The following ZNF385D variants were observed in gnomAD, a reference collection of about 807,000 sequenced individuals.
The protein encoded by ZNF385D is zinc finger protein 659.
ZNF385D carries 15 observed loss-of-function variants against 35.8 expected under a neutral mutation model. The observed-to-expected ratio is 0.42, with a 90% confidence interval of 0.28 to 0.64. ZNF385D has a LOEUF of 0.64. Among genes scored for constraint, ZNF385D ranks in the 30% least tolerant of loss-of-function variants. The probability of loss-of-function intolerance (pLI) is 0.23; values close to 1 mark genes in which losing one functional copy is unlikely to be tolerated. For missense variants in ZNF385D, 474 were observed against 494.6 expected (o/e 0.96, Z 0.39); for synonymous variants, 212 against 186.8 (o/e 1.13, Z -1.10).
At chr3:21,744,900 G>C (rs1346124882) in intron 1 of ZNF385D, among the ~76,000 whole-genome samples, 5 of 152,030 alleles carry the variant, frequency 3.3e-5, no homozygotes, top group African/African-American at 9.7e-5. Context: ...AGCAGCAAAA[G>C]GGACTGTTTC....
chr3:22,034,444 C>T (rs564257403), intron 3 of ZNF385D, among the ~76,000 whole-genome samples: 2 of 152,170 alleles, frequency 1.3e-5, no homozygotes, highest in South Asian at 4.1e-4. Flanking sequence ...TTAGTCTTAG[C>T]GGCCCAACTA....
rs1234170569 is a variant in ZNF385D at position 21,602,521 on chromosome 3, T to TC, written c.166-37838_166-37837insG. On this transcript the variant is annotated intron_variant, in intron 2 of 7. Coordinates refer to ENST00000281523, the MANE Select transcript of ZNF385D (RefSeq NM_024697.3). ...TCTCCTGTTTCCCTGCATTTTCTTT[T>TC]TTTTTTTTTTTTTTTTTTTTTTGAG... Among the ~76,000 whole-genome samples the TC allele has an allele frequency of 1.4e-4, 8 of 56,070 alleles. 1 individual carries two copies. The highest frequency in any genetic ancestry group is 2.4e-4 in the Non-Finnish European group (7 of 29,548). The allele number at this position is 56,070 out of a possible 152,430, so 36.8% of individuals were successfully genotyped here.
intron 3 of ZNF385D, among the ~76,000 whole-genome samples, chr3:21,940,812 A>C (rs504039): frequency 0.26 from 40,052 of 152,056 alleles, 5,988 homozygotes; most frequent in Admixed American, 0.41. Flanking sequence ...ATGTAAAAAT[A>C]TGCTGCATAA....
chr3:22,038,237 A>G (rs1698457367), intron 3 of ZNF385D, among the ~76,000 whole-genome samples: 1 of 152,194 alleles, frequency 6.6e-6, no homozygotes, highest in South Asian at 2.1e-4. Context: ...ATTATAAAAC[A>G]TTCAAGAAAG....
intron 3 of ZNF385D, among the ~76,000 whole-genome samples, chr3:21,935,768 CTTTACTTTGCCCCTTGTTTTTCG>C (rs1486903401): frequency 2.0e-5 from 3 of 151,972 alleles, no homozygotes; most frequent in Non-Finnish European, 4.4e-5. Context: ...TGAAACTAAA[CTTTACTTTGCCCCTTGTTTTTCG>C]TTGTGCATAA....
At chr3:21,457,014 G>C (rs1702866432) in intron 4 of ZNF385D, among the ~76,000 whole-genome samples, 1 of 152,068 alleles carries the variant, frequency 6.6e-6, no homozygotes, top group Non-Finnish European at 1.5e-5. Context: ...AGTTAACTTT[G>C]ATGACCCTCT....
chr3:22,206,510 T>C (rs1019549029), intron 2 of ZNF385D, among the ~76,000 whole-genome samples: 9 of 151,912 alleles, frequency 5.9e-5, no homozygotes, highest in Admixed American at 1.3e-4. Context: ...TTCTTAAGGA[T>C]AGACCATATG....
chr3:21,969,006 G>A (rs1389018673), intron 3 of ZNF385D, among the ~76,000 whole-genome samples: 2 of 152,146 alleles, frequency 1.3e-5, no homozygotes, highest in African/African-American at 2.4e-5. Flanking sequence ...GAGAGACACA[G>A]ATCTGGCAGC....
rs116829650 is a variant in ZNF385D at position 22,040,194 on chromosome 3, A to T, written c.325+128623T>A. Reference sequence around the variant, plus strand: ...ATGATTTTCCTTACACATAGCCCACATCTTTGTAAATGCTTCCTTTATTAA... The same window carrying T: ...ATGATTTTCCTTACACATAGCCCACTTCTTTGTAAATGCTTCCTTTATTAA... On this transcript the variant is annotated intron_variant, in intron 3 of 5. Coordinates refer to the ZNF385D transcript ENST00000494108. Among the ~76,000 whole-genome samples the T allele has an allele frequency of 6.0e-3, 917 of 152,112 alleles. 7 individuals carry two copies. Among genetic ancestry groups the T allele is most frequent in the African/African-American group, 0.021 (888 of 41,532 alleles).
intron 3 of ZNF385D, among the ~76,000 whole-genome samples, chr3:21,758,993 A>C (rs1186908010): frequency 3.4e-5 from 5 of 148,084 alleles, no homozygotes; most frequent in African/African-American, 7.6e-5. Flanking sequence ...AAAAAAAAAA[A>C]AAAAAAAAAA....
chr3:21,938,647 G>C (rs1408411178), intron 3 of ZNF385D, among the ~76,000 whole-genome samples: 1 of 152,168 alleles, frequency 6.6e-6, no homozygotes, highest in African/African-American at 2.4e-5. Context: ...TGCCATGTCA[G>C]TCACACTGCT....
At position 21,921,671 on chromosome 3, in the gene ZNF385D, T is replaced by C. The variant is rs576070443; in HGVS notation, c.325+247146A>G. Among the ~76,000 whole-genome samples the C allele has an allele frequency of 3.8e-4, 42 of 111,822 alleles. No homozygotes were observed. The South Asian group carries it at 5.0e-3, about 13-fold the overall frequency. The allele number at this position is 111,822 out of a possible 152,430, so 73.4% of individuals were successfully genotyped here. On this transcript the variant is annotated intron_variant, in intron 3 of 5. Transcript: ENST00000494108. ...TATGTACAAAATAAGAAGCCAAGAA[T>C]ATATGTCTTCAAAAGATTGCCTCAG...
Position 22,325,574 on chromosome 3 carries a change from G to A in ZNF385D, c.106+46876C>T, listed in dbSNP as rs549747845. The stretch of plus-strand genomic sequence containing the variant: ...AGGCCAGGAGTTCGAGACCAGCCTG[G>A]GCAACATGGTCAAACTTCTACTAAA... On this transcript the variant is annotated intron_variant, in intron 2 of 5. Coordinates refer to the ZNF385D transcript ENST00000494108. 1.8e-4 allele frequency among the ~76,000 whole-genome samples: 28 copies of A among 152,118 alleles called. No homozygotes were observed. The South Asian group carries it at 5.2e-3, about 28-fold the overall frequency.
chr3:21,743,269 C>CT (rs561530301), intron 1 of ZNF385D, among the ~76,000 whole-genome samples: 47 of 152,234 alleles, frequency 3.1e-4, no homozygotes, highest in African/African-American at 7.7e-4. Flanking sequence ...CTAATTTGGA[C>CT]TTTTTTTATA....
At chr3:22,295,868 T>C (rs1032197436) in intron 2 of ZNF385D, among the ~76,000 whole-genome samples, 10 of 152,218 alleles carry the variant, frequency 6.6e-5, no homozygotes, top group African/African-American at 2.2e-4. Flanking sequence ...CCCAATGGCA[T>C]TGTTGATCAA....
intron 4 of ZNF385D, among the ~76,000 whole-genome samples, chr3:21,440,964 T>C (rs1242949495): frequency 6.6e-6 from 1 of 152,110 alleles, no homozygotes; most frequent in Non-Finnish European, 1.5e-5. Flanking sequence ...ATCTAGTGTG[T>C]ATTATCTTAC....
At chr3:22,043,293 CAAAG>C (rs931658856) in intron 3 of ZNF385D, among the ~76,000 whole-genome samples, 65 of 152,194 alleles carry the variant, frequency 4.3e-4, no homozygotes, top group Middle Eastern at 3.4e-3. Context: ...CAAACACCGT[CAAAG>C]ATTAGAGAGT....
intron 2 of ZNF385D, among the ~76,000 whole-genome samples, chr3:22,268,592 T>C (rs750642106): frequency 1.8e-4 from 28 of 152,060 alleles, no homozygotes; most frequent in Non-Finnish European, 1.3e-4. Flanking sequence ...TCTGTTCTAG[T>C]AAAATTTTAG....
At chr3:21,982,822 T>C (rs975976545) in intron 3 of ZNF385D, among the ~76,000 whole-genome samples, 2 of 151,714 alleles carry the variant, frequency 1.3e-5, no homozygotes, top group Non-Finnish European at 2.9e-5. Context: ...GAAAGCCTTT[T>C]TTTTTGCATC....
Sources: gnomAD v4.1 joint callset for allele counts (sites outside exome capture counted in the v4.1 genomes callset) on GRCh38, gnomAD v4.1.1 for gene constraint, MANE v1.5 for transcripts, NCBI Gene and HGNC (gene_info 2026-07-23, HGNC 2026-07-21) for gene names.